The following POGLUT1 variants were observed in gnomAD, a reference collection of about 807,000 sequenced individuals.
POGLUT1 encodes the protein protein O-glucosyltransferase 1.
Under a neutral mutation model 61.3 loss-of-function variants are expected in POGLUT1, and 32 were observed. The observed-to-expected ratio is 0.52, with a 90% CI of 0.39 to 0.70. The LOEUF is 0.70. Ranked by LOEUF, POGLUT1 falls within the 30% of genes least tolerant of loss-of-function variation. The pLI is 0.00. For synonymous variants in POGLUT1, 158 were observed against 158.2 expected, an observed-to-expected ratio of 1.00 and a Z score of 0.01; for missense variants, 411 against 469.8, an observed-to-expected ratio of 0.87 and a Z score of 1.16.
Position 119,493,880 on chromosome 3 carries a change from C to G in POGLUT1, c.*1442C>G, listed in dbSNP as rs1003081074. 1.4e-5 allele frequency: 2 copies of G among 143,758 alleles called. No homozygotes were observed. Among genetic ancestry groups the G allele is most frequent in the Non-Finnish European group, 3.0e-5 (2 of 67,406 alleles). 8.9% of individuals were successfully genotyped at this position (143,758 alleles called of 1,614,324 possible). A position where few individuals can be genotyped will look rare whatever the true frequency, so the allele number is the denominator to read the frequency against. On this transcript the variant is annotated 3_prime_UTR_variant, in exon 11 of 11. Transcript: ENST00000295588. ...TTAGGTTCTTAGTCTGTGAATCTAG[C>G]AATAGGCAGTCCAGATTTCTGAGTC...
chr3:119,483,698 G>A (rs1030404399), intron 5 of POGLUT1, among the ~76,000 whole-genome samples: 1 of 152,134 alleles, frequency 6.6e-6, no homozygotes, highest in African/African-American at 2.4e-5. Flanking sequence ...CTGACATTTG[G>A]GGCTGGATAA....
At chr3:119,484,786 T>C (rs2081646429) in intron 5 of POGLUT1, among the ~76,000 whole-genome samples, 1 of 152,198 alleles carries the variant, frequency 6.6e-6, no homozygotes, top group Non-Finnish European at 1.5e-5. Flanking sequence ...CTTTCAATGT[T>C]GTTAACTTGT....
chr3:119,486,887 T>C lies in POGLUT1; in HGVS notation c.693T>C (p.Leu231=). Residue 231 remains leucine, a synonymous_variant, in exon 7 of 11, where the codon CTT becomes CTC. Transcript: ENST00000295588. ...TTCTGTCTCGGAAAAACCCAAAACT[T>C]GTTGATGCAGAATACACCAAAAACC... The part of the protein sequence containing the change: ...LILLSRKNPK[L]VDAEYTKNQA... 6.2e-7 allele frequency: 1 copy of C among 1,613,878 alleles called. No individual in the cohort carries two copies. The highest frequency in any genetic ancestry group is 8.5e-7 in the Non-Finnish European group (1 of 1,179,816).
At chr3:119,474,370 T>C (rs1203689095) in intron 3 of POGLUT1, among the ~76,000 whole-genome samples, 1 of 152,144 alleles carries the variant, frequency 6.6e-6, no homozygotes. Context: ...TAATGAACCT[T>C]CCATCACAAC....
At chr3:119,488,352 G>C (rs536946410) in intron 7 of POGLUT1, 4 of 152,264 alleles carry the variant, frequency 2.6e-5, no homozygotes, top group African/African-American at 7.2e-5. Context: ...GTGATGTCAA[G>C]AGGTGAGCAA....
intron 9 of POGLUT1, among the ~76,000 whole-genome samples, chr3:119,491,044 G>T (rs2081738149): frequency 6.6e-6 from 1 of 151,758 alleles, no homozygotes; most frequent in Admixed American, 6.6e-5. Flanking sequence ...TTCAGATACA[G>T]CATGAGAATT....
At chr3:119,478,388 T>TC (rs1426060960) in intron 4 of POGLUT1, 1 of 456,632 alleles carries the variant, frequency 2.2e-6, no homozygotes. Context: ...GTGTTGCATT[T>TC]CCCATGGTCT....
intron 3 of POGLUT1, among the ~76,000 whole-genome samples, chr3:119,472,327 G>T (rs996147133): frequency 6.6e-6 from 1 of 152,008 alleles, no homozygotes; most frequent in South Asian, 2.1e-4. Context: ...TGAAATAAAT[G>T]TGCAGAGTTG....
At chr3:119,491,449 A>G (rs1457194558) in intron 9 of POGLUT1, 69 bp from the exon 10 acceptor site, 7 of 701,318 alleles carry the variant, frequency 1.0e-5, no homozygotes, top group South Asian at 1.8e-5. Flanking sequence ...CTCAATCTAT[A>G]TCGTCTTTCT....
intron 2 of POGLUT1, 105 bp downstream of exon 2, chr3:119,470,015 T>A: frequency 1.4e-6 from 1 of 718,616 alleles, no homozygotes; most frequent in Non-Finnish European, 2.5e-6. Flanking sequence ...AAGGCAAGGA[T>A]GTTTTTCTAT....
At chr3:119,478,471 C>T (rs1258562670) in intron 4 of POGLUT1, 9 of 455,490 alleles carry the variant, frequency 2.0e-5, no homozygotes, top group South Asian at 1.2e-4. Context: ...ATAGAGGCTC[C>T]CATGTAAGTC....
At chr3:119,482,005 G>C (rs2107712088) in intron 5 of POGLUT1, among the ~76,000 whole-genome samples, 1 of 151,970 alleles carries the variant, frequency 6.6e-6, no homozygotes, top group East Asian at 1.9e-4. Context: ...GGGCTCAAGT[G>C]ATCCTCCCAC....
At chr3:119,471,571 A>G in intron 3 of POGLUT1, 119 bp downstream of exon 3, 1 of 916,902 alleles carries the variant, frequency 1.1e-6, no homozygotes. Flanking sequence ...TTTCAGGCGG[A>G]CTATGAAATA....
Position 119,492,042 on chromosome 3 carries a change from G to A in POGLUT1, c.1023-240G>A, listed in dbSNP as rs187838103. ...GCGCTCCAGCATGAGCAACAAGAGC[G>A]AAACTCCGTCTCAAAAAATAAATAA... On this transcript the variant is annotated intron_variant, in intron 10 of 10. Transcript: ENST00000295588. Among the ~76,000 whole-genome samples the A allele has an allele frequency of 2.3e-4, 34 of 148,958 alleles. 1 individual carries two copies. The South Asian group carries it at 3.7e-3, about 16-fold the overall frequency.
Position 119,492,588 on chromosome 3 carries a change from C to T in POGLUT1, c.*150C>T. 1 of 452,406 alleles carries T rather than the reference C, an allele frequency of 2.2e-6. No homozygotes were observed. The highest frequency in any genetic ancestry group is 3.9e-6 in the Non-Finnish European group (1 of 255,316). 28.0% of individuals were successfully genotyped at this position (452,406 alleles called of 1,614,324 possible). A position where few individuals can be genotyped will look rare whatever the true frequency, so the allele number is the denominator to read the frequency against. On this transcript the variant is annotated 3_prime_UTR_variant, in exon 11 of 11. Transcript: ENST00000295588. Reference sequence around the variant, plus strand: ...CCTTATCATGCTGCACCCAGAGCAACTCTTGAGAAAGATTTAAAATGTGTC... The same window carrying T: ...CCTTATCATGCTGCACCCAGAGCAATTCTTGAGAAAGATTTAAAATGTGTC...
intron 5 of POGLUT1, among the ~76,000 whole-genome samples, chr3:119,480,538 G>A (rs1389477267): frequency 2.6e-5 from 4 of 151,752 alleles, no homozygotes; most frequent in African/African-American, 7.3e-5. Flanking sequence ...GTGAGCCACC[G>A]CGCCCAGCCT....
chr3:119,471,295 C>G lies in POGLUT1; in HGVS notation c.177-14C>G, dbSNP rs1423468037. On this transcript the variant is annotated splice_polypyrimidine_tract_variant and intron_variant, in intron 2 of 10. Coordinates refer to ENST00000295588, the MANE Select transcript of POGLUT1 (RefSeq NM_152305.3). ...CTTGGCCTGCTTTCCTTGATGACTC[C>G]CATTCTTTCCCAGTGTCATAGAAGA... 3 of 1,612,754 alleles carry G rather than the reference C, an allele frequency of 1.9e-6. No individual in the cohort carries two copies. Among genetic ancestry groups the G allele is most frequent in the African/African-American group, 2.7e-5 (2 of 74,862 alleles).
rs751775425 is a variant in POGLUT1, at chr3:119,490,650, AT to A, written c.899del (p.Phe300SerfsTer6). 9 of 1,613,976 alleles carry A rather than the reference AT, an allele frequency of 5.6e-6. No homozygotes were observed. The African/African-American group carries it at 1.2e-4, about 22-fold the overall frequency. ...VFHVGDEWLE[F>X]FYPQLKPWVH... ...TCCATGTTGGTGATGAGTGGCTAGA[AT>A]TCTTCTATCCACAGCTGAAGCCATG... On this transcript the variant is annotated frameshift_variant, in exon 9 of 11. Coordinates refer to ENST00000295588, the MANE Select transcript of POGLUT1 (RefSeq NM_152305.3). LOFTEE classifies it high-confidence loss of function.
In POGLUT1 at chr3:119,490,641, G is replaced by A. The variant is rs1304714681; in HGVS notation, c.888G>A (p.Glu296=). 1.2e-6 allele frequency: 2 copies of A among 1,614,038 alleles called. No individual in the cohort carries two copies. The highest frequency in any genetic ancestry group is 2.7e-5 in the African/African-American group (2 of 75,004). The change falls in exon 9 of 11, where the codon GAG becomes GAA. Residue 296 remains glutamate, a synonymous_variant. Transcript: ENST00000295588. ...CGSLVFHVGD[E]WLEFFYPQLK... ...CACTTGTTTTCCATGTTGGTGATGA[G>A]TGGCTAGAATTCTTCTATCCACAGC...
Sources: allele counts gnomAD v4.1 joint callset (sites outside exome capture counted in the v4.1 genomes callset), GRCh38; gene constraint gnomAD v4.1.1; transcripts MANE v1.5; gene names NCBI Gene and HGNC (gene_info 2026-07-23, HGNC 2026-07-21).